The following UNC5D variants were observed in gnomAD, a reference collection of about 807,000 sequenced individuals.
The protein encoded by UNC5D is netrin receptor UNC5D.
Under a neutral mutation model 105.4 loss-of-function variants are expected in UNC5D, and 39 were observed. The ratio of observed to expected loss-of-function variants is 0.37; its 90% CI spans 0.29 to 0.48. The LOEUF (loss-of-function observed/expected upper bound fraction) is 0.48, where lower values mean the gene tolerates loss of function less well. Ranked by LOEUF, UNC5D falls within the 20% of genes least tolerant of loss-of-function variation. The probability of loss-of-function intolerance (pLI) is 0.98; values close to 1 mark genes in which losing one functional copy is unlikely to be tolerated. For synonymous variants in UNC5D, 452 were observed against 450.4 expected (o/e 1.00, Z -0.04); for missense variants, 991 against 1,202.4 (o/e 0.82, Z 2.60).
At chr8:35,554,877 T>C (rs1465540640) in intron 2 of UNC5D, among the ~76,000 whole-genome samples, 2 of 152,162 alleles carry the variant, frequency 1.3e-5, no homozygotes, top group East Asian at 3.9e-4. Flanking sequence ...AGGGACCTCA[T>C]TGTGTGTGAT....
At chr8:35,239,650 C>A (rs1802681531) in intron 1 of UNC5D, among the ~76,000 whole-genome samples, 1 of 152,024 alleles carries the variant, frequency 6.6e-6, no homozygotes, top group Non-Finnish European at 1.5e-5. Context: ...TCACAGGGAG[C>A]CCAGATGTGC....
At chr8:35,605,324 G>T (rs1007517336) in intron 4 of UNC5D, among the ~76,000 whole-genome samples, 1 of 152,192 alleles carries the variant, frequency 6.6e-6, no homozygotes, top group East Asian at 1.9e-4. Flanking sequence ...GACTCTGTTT[G>T]CCTGGGTATC....
chr8:35,595,780 G>A lies in UNC5D; in HGVS notation c.570+123G>A, dbSNP rs1050471914. 7.7e-6 allele frequency: 6 copies of A among 775,684 alleles called. No homozygotes were observed. The East Asian group carries it at 1.6e-4, about 20-fold the overall frequency. The allele number at this position is 775,684 out of a possible 1,614,324, so 48.1% of individuals were successfully genotyped here. ...CCATGTCTGGGATTCTTGTTGCCTG[G>A]GCTCAGTTGCTAAACACGGTGAAGA... is the stretch of plus-strand genomic sequence containing the variant. On this transcript the variant is annotated intron_variant, in intron 4 of 16. Transcript: ENST00000404895.
intron 1 of UNC5D, among the ~76,000 whole-genome samples, chr8:35,456,058 T>A (rs1339272079): frequency 3.9e-5 from 6 of 152,162 alleles, no homozygotes; most frequent in African/African-American, 1.4e-4. Context: ...AGCAGTTAAG[T>A]TAGACCTACT....
intron 1 of UNC5D, chr8:35,254,512 G>A (rs748871138): frequency 1.3e-5 from 2 of 152,106 alleles, no homozygotes; most frequent in African/African-American, 2.4e-5. Context: ...CACATATATG[G>A]TAGGTCCAAG....
At chr8:35,255,086 C>T (rs530196370) in intron 1 of UNC5D, 2 of 152,298 alleles carry the variant, frequency 1.3e-5, no homozygotes, top group Admixed American at 1.3e-4. Context: ...CATGGTACCC[C>T]TGTTGATCTG....
chr8:35,612,411 G>A (rs1433558119), intron 4 of UNC5D, among the ~76,000 whole-genome samples: 1 of 152,168 alleles, frequency 6.6e-6, no homozygotes, highest in Non-Finnish European at 1.5e-5. Context: ...GGGGGTGACA[G>A]GGTGGGGTGG....
intron 16 of UNC5D, among the ~76,000 whole-genome samples, chr8:35,776,817 T>C (rs963234804): frequency 6.6e-6 from 1 of 152,230 alleles, no homozygotes; most frequent in African/African-American, 2.4e-5. Context: ...AATCTACTTC[T>C]ATCCTTAAAT....
intron 4 of UNC5D, among the ~76,000 whole-genome samples, chr8:35,656,015 C>T (rs760633839): frequency 3.3e-5 from 5 of 152,200 alleles, no homozygotes; most frequent in Admixed American, 6.5e-5. Context: ...GCAGAAGGAA[C>T]ATCGTAGTTT....
chr8:35,646,933 T>C (rs1312560296), intron 4 of UNC5D, among the ~76,000 whole-genome samples: 2 of 152,154 alleles, frequency 1.3e-5, no homozygotes, highest in Non-Finnish European at 2.9e-5. Flanking sequence ...TACTTGCTTG[T>C]GGTTAGTATT....
intron 2 of UNC5D, among the ~76,000 whole-genome samples, 156 bp downstream of exon 2, chr8:35,549,666 C>T (rs922981352): frequency 6.6e-6 from 1 of 152,168 alleles, no homozygotes. Flanking sequence ...TCCTTTTCTT[C>T]AAATGACCCT....
chr8:35,598,547 G>C (rs538827663), intron 4 of UNC5D, among the ~76,000 whole-genome samples: 2 of 152,106 alleles, frequency 1.3e-5, no homozygotes, highest in Non-Finnish European at 2.9e-5. Flanking sequence ...CCACTACTAG[G>C]TATATATACA....
chr8:35,460,061 T>G (rs1039244311), intron 1 of UNC5D, among the ~76,000 whole-genome samples: 1 of 152,186 alleles, frequency 6.6e-6, no homozygotes, highest in Non-Finnish European at 1.5e-5. Flanking sequence ...AGTCTCTAAA[T>G]GATTTGGAAG....
intron 1 of UNC5D, among the ~76,000 whole-genome samples, chr8:35,296,118 C>G (rs914502857): frequency 6.6e-6 from 1 of 152,142 alleles, no homozygotes; most frequent in East Asian, 1.9e-4. Context: ...AATGCTACAG[C>G]GATCATGGAA....
At chr8:35,552,598 A>C (rs1816246187) in intron 2 of UNC5D, among the ~76,000 whole-genome samples, 1 of 152,162 alleles carries the variant, frequency 6.6e-6, no homozygotes, top group Non-Finnish European at 1.5e-5. Context: ...TGTTAGACAA[A>C]AGTTTATAGC....
chr8:35,638,454 T>G (rs1822517088), intron 4 of UNC5D, among the ~76,000 whole-genome samples: 1 of 151,956 alleles, frequency 6.6e-6, no homozygotes. Context: ...TATTATTACT[T>G]TTTTTATGTG....
chr8:35,458,695 GAAA>G (rs1808664797), intron 1 of UNC5D, among the ~76,000 whole-genome samples: 1 of 152,136 alleles, frequency 6.6e-6, no homozygotes, highest in South Asian at 2.1e-4. Flanking sequence ...GGATATCAAT[GAAA>G]CAAAAACCAT....
intron 3 of UNC5D, among the ~76,000 whole-genome samples, chr8:35,575,087 T>C (rs1369744445): frequency 2.6e-5 from 4 of 152,174 alleles, no homozygotes; most frequent in Non-Finnish European, 5.9e-5. Context: ...AAATTCTAAG[T>C]GTCTAACTGA....
In UNC5D at chr8:35,414,404, T is replaced by G. The variant is rs569567421; in HGVS notation, c.104-134888T>G. On this transcript the variant is annotated intron_variant, in intron 1 of 16. Transcript: ENST00000404895. Reference sequence around the variant, plus strand: ...CCATCCTCAGACTGTAGCTTCCTTCTTCTACCTTTGCTATACTTTTCTTAC... The same window carrying G: ...CCATCCTCAGACTGTAGCTTCCTTCGTCTACCTTTGCTATACTTTTCTTAC... Among the ~76,000 whole-genome samples the G allele has an allele frequency of 1.3e-3, 198 of 152,234 alleles. 1 individual carries two copies. Among genetic ancestry groups the G allele is most frequent in the African/African-American group, 4.5e-3 (188 of 41,548 alleles).
Sources: gnomAD v4.1 joint callset for allele counts (sites outside exome capture counted in the v4.1 genomes callset) on GRCh38, gnomAD v4.1.1 for gene constraint, MANE v1.5 for transcripts, NCBI Gene and HGNC (gene_info 2026-07-23, HGNC 2026-07-21) for gene names.